The following SLC44A3 variants were observed in gnomAD, a reference collection of about 807,000 sequenced individuals.
SLC44A3 encodes solute carrier family 44 member 3, also known as choline transporter-like protein 3.
A neutral mutation model predicts 75.4 loss-of-function variants in SLC44A3; 74 were observed. That is an observed-to-expected ratio of 0.98 (90% CI 0.81 to 1.19). The LOEUF is 1.19. SLC44A3 is among the 50% of genes most tolerant of loss of function. SLC44A3 has a pLI of 0.00. For missense variants in SLC44A3, 700 were observed against 778.6 expected, an observed-to-expected ratio of 0.90 and a Z score of 1.20; for synonymous variants, 310 against 296.9, an observed-to-expected ratio of 1.04 and a Z score of -0.45.
At chr1:94,822,803 A>G (rs955508881) in intron 2 of SLC44A3, among the ~76,000 whole-genome samples, 1 of 152,180 alleles carries the variant, frequency 6.6e-6, no homozygotes, top group Non-Finnish European at 1.5e-5. Flanking sequence ...GACAGTGACT[A>G]CCTTGGTGGC....
intron 14 of SLC44A3, among the ~76,000 whole-genome samples, chr1:94,894,394 C>G (rs1326361869): frequency 6.6e-6 from 1 of 152,098 alleles, no homozygotes; most frequent in African/African-American, 2.4e-5. Context: ...CACCTCTGGC[C>G]CCTTCCCTGA....
chr1:94,860,702 T>G (rs1666462877), intron 10 of SLC44A3, among the ~76,000 whole-genome samples: 1 of 152,224 alleles, frequency 6.6e-6, no homozygotes, highest in African/African-American at 2.4e-5. Context: ...TGTATACCTA[T>G]TCTTACTACC....
chr1:94,844,949 G>C (rs1664206322), intron 8 of SLC44A3, among the ~76,000 whole-genome samples: 1 of 152,186 alleles, frequency 6.6e-6, no homozygotes, highest in South Asian at 2.1e-4. Flanking sequence ...GGTTCTGTGG[G>C]ATGTGGAGGG....
intron 12 of SLC44A3, among the ~76,000 whole-genome samples, chr1:94,879,361 A>G (rs1668682550): frequency 6.6e-6 from 1 of 151,196 alleles, no homozygotes; most frequent in Non-Finnish European, 1.5e-5. Flanking sequence ...GTGAAACCCC[A>G]TCTCTACTAA....
At chr1:94,828,459 A>G (rs1376584936) in intron 4 of SLC44A3, 34 bp from the exon 5 acceptor site, 1 of 1,571,556 alleles carries the variant, frequency 6.4e-7, no homozygotes, top group South Asian at 1.1e-5. Flanking sequence ...CTCACCTGGA[A>G]AGAAGGTATA....
chr1:94,851,533 C>T (rs1391769737), intron 9 of SLC44A3, among the ~76,000 whole-genome samples: 2 of 152,224 alleles, frequency 1.3e-5, no homozygotes, highest in Non-Finnish European at 2.9e-5. Flanking sequence ...CTTTCTGTGT[C>T]TCTTAGCTCA....
chr1:94,839,811 G>A (rs888164022), intron 6 of SLC44A3, 137 bp from the exon 7 acceptor site: 6 of 692,206 alleles, frequency 8.7e-6, no homozygotes, highest in African/African-American at 7.1e-5. Flanking sequence ...GTGTTTAGTA[G>A]ATATCCCAAG....
intron 12 of SLC44A3, among the ~76,000 whole-genome samples, chr1:94,875,830 A>G (rs1557874392): frequency 6.6e-6 from 1 of 152,240 alleles, no homozygotes; most frequent in Non-Finnish European, 1.5e-5. Context: ...CATGTAGAAC[A>G]TGAAGCAAAC....
rs192766621 is a variant in SLC44A3 at position 94,824,593 on chromosome 1, T to C, written c.236T>C (p.Val79Ala). ...GNMCGKKNSP[V>A]EGAPLSGQDM... ...ATGTGTGGCAAGAAGAACTCCCCCG[T>C]GGAAGGGGCCCCTCTTTCAGGGCAG... is the stretch of plus-strand genomic sequence containing the variant. The change falls in exon 3 of 15, where the codon GTG becomes GCG. Residue 79 changes from valine to alanine, a missense_variant. By Grantham distance (64) the Val-to-Ala change is moderately conservative. Transcript: ENST00000271227. The C allele has an allele frequency of 1.4e-5, 23 of 1,609,846 alleles. No homozygotes were observed. Among genetic ancestry groups the C allele is most frequent in the Non-Finnish European group, 1.7e-5 (20 of 1,178,752 alleles).
rs760154299 is a variant in SLC44A3 at position 94,867,238 on chromosome 1, A to G, written c.1396-93A>G. 8.5e-6 allele frequency: 9 copies of G among 1,061,270 alleles called. No individual in the cohort carries two copies. The Admixed American group carries it at 1.0e-4, about 12-fold the overall frequency. The allele number at this position is 1,061,270 out of a possible 1,614,324, so 65.7% of individuals were successfully genotyped here. A position where few individuals can be genotyped will look rare whatever the true frequency, so the allele number is the denominator to read the frequency against. ...ACGCCACCAGTGTTTCCCCAGGTGC[A>G]TAAGTAAAAACTGTGTTTCCTCAGA... On this transcript the variant is annotated intron_variant, in intron 11 of 14. Coordinates refer to ENST00000271227, the MANE Select transcript of SLC44A3 (RefSeq NM_001114106.3).
intron 10 of SLC44A3, 90 bp downstream of exon 10, chr1:94,857,590 G>C (rs367545530): frequency 7.6e-7 from 1 of 1,314,052 alleles, no homozygotes. Context: ...TGGGAATGTT[G>C]ACCTAGCCCC....
chr1:94,845,138 G>A (rs1557830519), intron 8 of SLC44A3, 140 bp from the exon 9 acceptor site: 1 of 896,850 alleles, frequency 1.1e-6, no homozygotes, highest in Non-Finnish European at 1.7e-6. Context: ...GAATGCATCT[G>A]TAAAATTATA....
At chr1:94,833,809 C>A (rs368179931) in intron 5 of SLC44A3, among the ~76,000 whole-genome samples, 4 of 152,060 alleles carry the variant, frequency 2.6e-5, no homozygotes, top group African/African-American at 9.7e-5. Flanking sequence ...TGATTCTCTG[C>A]ACTTGTCATC....
At position 94,854,079 on chromosome 1, in the gene SLC44A3, C is replaced by T. The variant is rs145269571; in HGVS notation, c.1073-3256C>T. ...AGCCTTACCTGTTTATTATACTTAA[C>T]TCATAACAGCTATGTGTATTGCACT... is the stretch of plus-strand genomic sequence containing the variant. On this transcript the variant is annotated intron_variant, in intron 9 of 14. Transcript: ENST00000271227. 2.5e-3 allele frequency among the ~76,000 whole-genome samples: 374 copies of T among 152,290 alleles called. 3 individuals are homozygous for T. The highest frequency in any genetic ancestry group is 8.6e-3 in the African/African-American group (356 of 41,546).
At chr1:94,824,463 C>G (rs1195303108) in intron 2 of SLC44A3, 30 bp from the exon 3 acceptor site, 2 of 1,565,444 alleles carry the variant, frequency 1.3e-6, no homozygotes, top group Non-Finnish European at 1.7e-6. Flanking sequence ...GCCCTTTGGC[C>G]AGGCTCTCAT....
chr1:94,832,664 C>A lies in SLC44A3; in HGVS notation c.509+4078C>A, dbSNP rs1005362819. On this transcript the variant is annotated intron_variant, in intron 5 of 14. Transcript: ENST00000271227. ...CACTTTAAGTTGCAACAGACACTTT[C>A]AATTCAATAATTAAAATGTTCAGCC... 2.9e-4 allele frequency among the ~76,000 whole-genome samples: 44 copies of A among 152,268 alleles called. 1 individual carries two copies. In the South Asian group the frequency reaches 8.9e-3, roughly 31 times the overall value.
intron 8 of SLC44A3, among the ~76,000 whole-genome samples, chr1:94,844,966 A>G (rs1233186063): frequency 6.6e-6 from 1 of 152,174 alleles, no homozygotes; most frequent in East Asian, 1.9e-4. Context: ...AGGGGAGGAT[A>G]TAAGACAGTT....
chr1:94,838,145 G>A (rs1380111670), intron 6 of SLC44A3, among the ~76,000 whole-genome samples: 14 of 152,204 alleles, frequency 9.2e-5, no homozygotes, highest in Admixed American at 9.2e-4. Flanking sequence ...GGTATATAAA[G>A]CAGATTGCCA....
chr1:94,853,138 A>G (rs1165186129), intron 9 of SLC44A3, among the ~76,000 whole-genome samples: 2 of 152,124 alleles, frequency 1.3e-5, no homozygotes, highest in African/African-American at 4.8e-5. Context: ...GAGATGAGGG[A>G]GAACAAACAG....
Sources: gnomAD v4.1 joint callset for allele counts (sites outside exome capture counted in the v4.1 genomes callset) on GRCh38, gnomAD v4.1.1 for gene constraint, MANE v1.5 for transcripts, NCBI Gene and HGNC (gene_info 2026-07-23, HGNC 2026-07-21) for gene names.